The following MKLN1 variants were observed in gnomAD, a reference collection of about 807,000 sequenced individuals.
MKLN1 encodes muskelin.
A neutral mutation model predicts 99.0 loss-of-function variants in MKLN1; 18 were observed. That is an observed-to-expected ratio of 0.18 (90% CI 0.13 to 0.27). The LOEUF (loss-of-function observed/expected upper bound fraction) is 0.27. Ranked by LOEUF, MKLN1 falls within the 10% of genes least tolerant of loss-of-function variation. The probability of loss-of-function intolerance (pLI) is 1.00; values close to 1 mark genes in which losing one functional copy is unlikely to be tolerated. For missense variants in MKLN1, 621 were observed against 875.9 expected (o/e 0.71, Z 3.67); for synonymous variants, 288 against 293.2 (o/e 0.98, Z 0.18).
Position 131,213,818 on chromosome 7 carries a change from T to C in MKLN1, c.-179+10844T>C, listed in dbSNP as rs546041658. ...AATAGTTGATTATTTTTCTTATTGCTTCGCATGAGTTCTTTATAATTTTTG... is the reference window on the plus strand; with the variant it reads ...AATAGTTGATTATTTTTCTTATTGCCTCGCATGAGTTCTTTATAATTTTTG... On this transcript the variant is annotated intron_variant, in intron 3 of 7. Transcript: ENST00000416992. 2.6e-5 allele frequency among the ~76,000 whole-genome samples: 4 copies of C among 152,332 alleles called. No homozygotes were observed. In the South Asian group the frequency reaches 6.2e-4, roughly 24 times the overall value.
chr7:131,439,363 T>C (rs536033418), intron 10 of MKLN1, among the ~76,000 whole-genome samples: 139 of 152,280 alleles, frequency 9.1e-4, no homozygotes, highest in African/African-American at 3.1e-3. Flanking sequence ...GGCCTTTGTT[T>C]CTCTTGACTT....
intron 3 of MKLN1, among the ~76,000 whole-genome samples, chr7:131,231,811 A>G (rs1456078558): frequency 2.0e-5 from 3 of 152,258 alleles, no homozygotes; most frequent in Non-Finnish European, 1.5e-5. Flanking sequence ...AACTTCAACC[A>G]AAACAAAATG....
At chr7:131,315,893 C>T (rs987112624) in intron 3 of MKLN1, among the ~76,000 whole-genome samples, 4 of 152,184 alleles carry the variant, frequency 2.6e-5, no homozygotes, top group Non-Finnish European at 5.9e-5. Flanking sequence ...GTAACAGCCC[C>T]AGTCAGGGGC....
chr7:131,418,262 G>A (rs537103414), intron 8 of MKLN1, among the ~76,000 whole-genome samples: 5 of 151,910 alleles, frequency 3.3e-5, no homozygotes, highest in Admixed American at 1.3e-4. Flanking sequence ...CCAGCTACTC[G>A]GGGGGCCGAG....
chr7:131,465,162 A>G (rs896942378), intron 14 of MKLN1, among the ~76,000 whole-genome samples: 9 of 152,182 alleles, frequency 5.9e-5, no homozygotes, highest in African/African-American at 1.9e-4. Flanking sequence ...ATATAACACC[A>G]ATGAATATAA....
At chr7:131,181,594 A>G (rs1399894618) in intron 2 of MKLN1, among the ~76,000 whole-genome samples, 2 of 151,992 alleles carry the variant, frequency 1.3e-5, no homozygotes, top group Non-Finnish European at 2.9e-5. Flanking sequence ...ATTTAGTCCC[A>G]ATAACTCGAG....
chr7:131,455,813 A>G (rs1796317632), intron 12 of MKLN1, among the ~76,000 whole-genome samples: 1 of 152,196 alleles, frequency 6.6e-6, no homozygotes, highest in African/African-American at 2.4e-5. Context: ...TGGGAGGCCG[A>G]GGCAGGCGAA....
At chr7:131,146,246 G>T (rs747687602) in intron 2 of MKLN1, among the ~76,000 whole-genome samples, 2 of 152,170 alleles carry the variant, frequency 1.3e-5, no homozygotes, top group Non-Finnish European at 2.9e-5. Context: ...GGAGGCTGAG[G>T]CAGGAGAATC....
chr7:131,224,774 T>G (rs1313002715), intron 3 of MKLN1, among the ~76,000 whole-genome samples: 1 of 151,496 alleles, frequency 6.6e-6, no homozygotes, highest in African/African-American at 2.4e-5. Flanking sequence ...AACAGGCTCC[T>G]TGAAATACTA....
intron 1 of MKLN1, among the ~76,000 whole-genome samples, chr7:131,124,914 A>G (rs1188543380): frequency 1.3e-5 from 2 of 152,208 alleles, no homozygotes; most frequent in Non-Finnish European, 2.9e-5. Flanking sequence ...ACTGCCTGGT[A>G]TTAACAGCTT....
chr7:131,114,756 G>T (rs1795248869), intron 1 of MKLN1, among the ~76,000 whole-genome samples: 1 of 152,072 alleles, frequency 6.6e-6, no homozygotes, highest in African/African-American at 2.4e-5. Context: ...GACCAGCCTG[G>T]CCAATATGGC....
intron 1 of MKLN1, among the ~76,000 whole-genome samples, chr7:131,122,991 C>T (rs897194153): frequency 2.3e-5 from 3 of 131,878 alleles, no homozygotes; most frequent in Non-Finnish European, 4.6e-5. Context: ...CCACTGCAGT[C>T]CGGCCTGGGC....
chr7:131,117,724 G>T (rs1348888390), intron 1 of MKLN1, among the ~76,000 whole-genome samples: 1 of 152,204 alleles, frequency 6.6e-6, no homozygotes, highest in Non-Finnish European at 1.5e-5. Context: ...TAGTTGGAAG[G>T]TACATTAATG....
At chr7:131,307,206 A>C (rs975918029) in intron 3 of MKLN1, among the ~76,000 whole-genome samples, 2 of 152,126 alleles carry the variant, frequency 1.3e-5, no homozygotes, top group African/African-American at 4.8e-5. Context: ...GCAACAGTTA[A>C]AGTTTGAGAA....
At chr7:131,190,996 C>G (rs972060390) in intron 2 of MKLN1, among the ~76,000 whole-genome samples, 1 of 152,188 alleles carries the variant, frequency 6.6e-6, no homozygotes, top group African/African-American at 2.4e-5. Context: ...GGAGTGAGGA[C>G]CGAGACTCTC....
intron 16 of MKLN1, among the ~76,000 whole-genome samples, chr7:131,472,963 A>G (rs957621226): frequency 6.6e-6 from 1 of 151,324 alleles, no homozygotes; most frequent in Non-Finnish European, 1.5e-5. Flanking sequence ...AAAAAAAAAA[A>G]AAGAAAAAAA....
At chr7:131,123,722 A>G (rs1403133756) in intron 1 of MKLN1, among the ~76,000 whole-genome samples, 2 of 151,846 alleles carry the variant, frequency 1.3e-5, no homozygotes, top group Non-Finnish European at 2.9e-5. Flanking sequence ...CAGAAGGCAG[A>G]GGTTGCAGTG....
chr7:131,473,387 T>C (rs1796882327), intron 16 of MKLN1, among the ~76,000 whole-genome samples: 2 of 152,196 alleles, frequency 1.3e-5, no homozygotes, highest in African/African-American at 4.8e-5. Context: ...ACAGTTGTTA[T>C]GATCATCATC....
At chr7:131,245,268 C>CT (rs34255726) in intron 3 of MKLN1, among the ~76,000 whole-genome samples, 31,440 of 129,594 alleles carry the variant, frequency 0.24, 4,371 homozygotes, top group South Asian at 0.38. Context: ...ATTATACGGT[C>CT]TTTTTTTTTT....
Sources: allele counts gnomAD v4.1 joint callset (sites outside exome capture counted in the v4.1 genomes callset), GRCh38; gene constraint gnomAD v4.1.1; transcripts MANE v1.5; gene names NCBI Gene and HGNC (gene_info 2026-07-23, HGNC 2026-07-21).